PLPPR4: variants seen among roughly 807,000 people sequenced by gnomAD.
PLPPR4 encodes phospholipid phosphatase-related protein type 4.
PLPPR4 carries 24 observed loss-of-function variants against 56.6 expected under a neutral mutation model. The ratio of observed to expected loss-of-function variants is 0.42; its 90% CI spans 0.31 to 0.60. The LOEUF (loss-of-function observed/expected upper bound fraction) is 0.60, where lower values mean the gene tolerates loss of function less well. Among genes scored for constraint, PLPPR4 ranks in the 20% least tolerant of loss-of-function variants. The pLI is 0.13. For missense variants in PLPPR4, 654 were observed against 885.8 expected (o/e 0.74, Z 3.32); for synonymous variants, 326 against 328.1 (o/e 0.99, Z 0.07).
chr1:99,302,100 T>C (rs1659895152), intron 6 of PLPPR4, among the ~76,000 whole-genome samples: 1 of 152,058 alleles, frequency 6.6e-6, no homozygotes, highest in Non-Finnish European at 1.5e-5. Context: ...GAAATTGTAA[T>C]TTTAGAAAGA....
intron 1 of PLPPR4, among the ~76,000 whole-genome samples, chr1:99,271,756 TTAAA>T (rs956598267): frequency 2.0e-5 from 3 of 152,022 alleles, no homozygotes; most frequent in African/African-American, 7.2e-5. Context: ...GACTTGGAAC[TTAAA>T]TAGAGTTTAG....
chr1:99,296,152 C>T (rs755763396), intron 2 of PLPPR4, among the ~76,000 whole-genome samples: 7 of 152,154 alleles, frequency 4.6e-5, no homozygotes, highest in Non-Finnish European at 7.3e-5. Flanking sequence ...ACCCTTCTGA[C>T]CTAGATTCTC....
In PLPPR4 at chr1:99,301,843, C is replaced by T; in HGVS notation, c.768C>T (p.His256=). The change falls in exon 6 of 7, where the codon CAC becomes CAT. Residue 256 remains histidine, a synonymous_variant. Transcript: ENST00000370185. ...CACGGATAACTCAGTATAAGAACCA[C>T]CCAGTTGATGTCTATTGTGGCTTTT... The part of the protein sequence containing the change: ...GLTRITQYKN[H]PVDVYCGFLI... 2 of 1,612,468 alleles carry T rather than the reference C, an allele frequency of 1.2e-6. No homozygotes were observed. The highest frequency in any genetic ancestry group is 8.5e-7 in the Non-Finnish European group (1 of 1,178,878).
At chr1:99,267,141 C>A (rs1658919697) in intron 1 of PLPPR4, among the ~76,000 whole-genome samples, 1 of 152,212 alleles carries the variant, frequency 6.6e-6, no homozygotes, top group Non-Finnish European at 1.5e-5. Flanking sequence ...CAAAACAGAT[C>A]TCAGGAGAAA....
upstream of PLPPR4, among the ~76,000 whole-genome samples, chr1:99,262,947 G>C (rs1373087087): frequency 1.3e-5 from 2 of 152,210 alleles, no homozygotes; most frequent in Non-Finnish European, 2.9e-5. Flanking sequence ...CTAGGCAAGA[G>C]ATGGCGGTCG....
At chr1:99,265,284 G>A (rs6703410) in intron 1 of PLPPR4, among the ~76,000 whole-genome samples, 10,486 of 151,816 alleles carry the variant, frequency 0.069, 584 homozygotes, top group East Asian at 0.17. Flanking sequence ...ATATATGTGT[G>A]TATACATAAC....
intron 1 of PLPPR4, among the ~76,000 whole-genome samples, chr1:99,280,262 C>T (rs1557775857): frequency 6.6e-6 from 1 of 152,142 alleles, no homozygotes; most frequent in African/African-American, 2.4e-5. Flanking sequence ...GGCTGTTGCA[C>T]AATTTATATA....
intron 1 of PLPPR4, among the ~76,000 whole-genome samples, chr1:99,277,279 T>A (rs1219314776): frequency 6.6e-6 from 1 of 152,182 alleles, no homozygotes; most frequent in East Asian, 1.9e-4. Flanking sequence ...ATCCTACTTG[T>A]TTATTTTTGT....
At chr1:99,271,095 T>G (rs1659047858) in intron 1 of PLPPR4, among the ~76,000 whole-genome samples, 1 of 152,178 alleles carries the variant, frequency 6.6e-6, no homozygotes, top group Admixed American at 6.5e-5. Flanking sequence ...CTTTTCTCTA[T>G]CAGGAAATAA....
intron 1 of PLPPR4, among the ~76,000 whole-genome samples, chr1:99,266,691 C>T (rs1234922959): frequency 6.6e-6 from 1 of 152,158 alleles, no homozygotes; most frequent in African/African-American, 2.4e-5. Flanking sequence ...GCATTGATGA[C>T]ACTGTATCTT....
chr1:99,294,600 G>A (rs1659697010), intron 2 of PLPPR4, among the ~76,000 whole-genome samples: 1 of 151,724 alleles, frequency 6.6e-6, no homozygotes, highest in South Asian at 2.1e-4. Context: ...GGAGGCTGAG[G>A]CGGGAGAATG....
Position 99,307,384 on chromosome 1 carries a change from C to G in PLPPR4, c.*374C>G. On this transcript the variant is annotated 3_prime_UTR_variant, in exon 7 of 7. Transcript: ENST00000370185. Reference sequence around the variant, plus strand: ...GTGAGCTGTGGGAACCCAGAACACACACGTTTTCCCTACAGCAGAGGCCAT... The same window carrying G: ...GTGAGCTGTGGGAACCCAGAACACAGACGTTTTCCCTACAGCAGAGGCCAT... 1 of 215,218 alleles carries G rather than the reference C, an allele frequency of 4.6e-6. No homozygotes were observed. The highest frequency in any genetic ancestry group is 9.4e-6 in the Non-Finnish European group (1 of 106,852). The allele number at this position is 215,218 out of a possible 1,614,324, so 13.3% of individuals were successfully genotyped here.
chr1:99,280,099 C>A (rs978607092), intron 1 of PLPPR4, among the ~76,000 whole-genome samples: 10 of 152,214 alleles, frequency 6.6e-5, no homozygotes, highest in Non-Finnish European at 1.0e-4. Flanking sequence ...TCCCCTAGGA[C>A]CCCCTCTCCC....
intron 1 of PLPPR4, among the ~76,000 whole-genome samples, chr1:99,270,332 GAA>G (rs1659024777): frequency 6.6e-6 from 1 of 152,124 alleles, no homozygotes; most frequent in East Asian, 1.9e-4. Flanking sequence ...GGCCTACTCA[GAA>G]AGTTTTCATT....
intron 1 of PLPPR4, among the ~76,000 whole-genome samples, chr1:99,287,712 G>C (rs1252629119): frequency 6.6e-6 from 1 of 152,132 alleles, no homozygotes. Context: ...AAATGAATGG[G>C]TATGGTGGGA....
upstream of PLPPR4, chr1:99,264,336 C>T: frequency 1.1e-6 from 1 of 887,094 alleles, no homozygotes; most frequent in Non-Finnish European, 1.7e-6. Flanking sequence ...TGGACGTCGT[C>T]TCTCGCCAGA....
intron 1 of PLPPR4, among the ~76,000 whole-genome samples, chr1:99,269,969 A>G (rs112453618): frequency 0.018 from 2,725 of 151,458 alleles, 94 homozygotes; most frequent in African/African-American, 0.063. Context: ...TCAAAAAATT[A>G]AGATTACTCA....
rs202142961 is a variant in PLPPR4 at position 99,305,972 on chromosome 1, G to T, written c.1110G>T (p.Pro370=). 42 of 1,613,960 alleles carry T rather than the reference G, an allele frequency of 2.6e-5. No individual in the cohort carries two copies. The Admixed American group carries it at 6.8e-4, about 26-fold the overall frequency. Residue 370 remains proline, a synonymous_variant, in exon 7 of 7, where the codon CCG becomes CCT. Coordinates refer to ENST00000370185, the MANE Select transcript of PLPPR4 (RefSeq NM_014839.5). ...ENMVTFSNTL[P]RANTPSVEDP... The stretch of plus-strand genomic sequence containing the variant: ...TGGTTACCTTCAGCAATACCTTGCC[G>T]CGAGCCAATACCCCATCTGTAGAAG...
chr1:99,304,332 C>A (rs928455008), intron 6 of PLPPR4, among the ~76,000 whole-genome samples: 1 of 152,206 alleles, frequency 6.6e-6, no homozygotes, highest in Middle Eastern at 3.4e-3. Context: ...TACCATAGAG[C>A]CTAGGTGTGT....
Sources: allele counts gnomAD v4.1 joint callset (sites outside exome capture counted in the v4.1 genomes callset), GRCh38; gene constraint gnomAD v4.1.1; transcripts MANE v1.5; gene names NCBI Gene and HGNC (gene_info 2026-07-23, HGNC 2026-07-21).